Variants in PPP1R9A observed in about 807,000 individuals in gnomAD.
PPP1R9A encodes the protein neurabin-1.
A neutral mutation model predicts 141.9 loss-of-function variants in PPP1R9A; 59 were observed. The observed-to-expected ratio is 0.42, with a 90% CI of 0.34 to 0.52. The LOEUF (loss-of-function observed/expected upper bound fraction) is 0.52, where lower values mean the gene tolerates loss of function less well. PPP1R9A is among the 20% of genes least tolerant of loss of function. The pLI is 0.10. For synonymous variants in PPP1R9A, 500 were observed against 569.7 expected, an observed-to-expected ratio of 0.88 and a Z score of 1.74; for missense variants, 1,444 against 1,611.9, an observed-to-expected ratio of 0.90 and a Z score of 1.78.
At chr7:95,101,986 A>C (rs1476170602) in intron 2 of PPP1R9A, among the ~76,000 whole-genome samples, 1 of 152,178 alleles carries the variant, frequency 6.6e-6, no homozygotes, top group Non-Finnish European at 1.5e-5. Flanking sequence ...GGTATCCCTC[A>C]GAAACCTCTC....
intron 12 of PPP1R9A, among the ~76,000 whole-genome samples, chr7:95,253,091 T>A (rs981472921): frequency 6.6e-6 from 1 of 152,228 alleles, no homozygotes; most frequent in Non-Finnish European, 1.5e-5. Context: ...TGTGGTATAT[T>A]TGCAAATTAG....
Position 95,292,130 on chromosome 7 carries a change from A to G in PPP1R9A, c.*1827A>G, listed in dbSNP as rs1806443734. 1 of 152,164 alleles carries G rather than the reference A, an allele frequency of 6.6e-6. No individual in the cohort carries two copies. Among genetic ancestry groups the G allele is most frequent in the Non-Finnish European group, 1.5e-5 (1 of 68,026 alleles). 9.4% of individuals were successfully genotyped at this position (152,164 alleles called of 1,614,324 possible). On this transcript the variant is annotated 3_prime_UTR_variant, in exon 20 of 20. Transcript: ENST00000433360. ...GTGTTTTACAGTTATCAAAGTCACC[A>G]TTATGTTTTTCTGTCTGTCTTCATT...
chr7:95,261,336 G>T (rs1249819324), intron 12 of PPP1R9A, among the ~76,000 whole-genome samples: 2 of 152,176 alleles, frequency 1.3e-5, no homozygotes, highest in Non-Finnish European at 2.9e-5. Flanking sequence ...AGCAATTAGA[G>T]TATCAGGTCC....
intron 5 of PPP1R9A, among the ~76,000 whole-genome samples, chr7:95,187,883 G>T (rs1834876752): frequency 1.3e-5 from 2 of 151,856 alleles, no homozygotes; most frequent in South Asian, 4.2e-4. Flanking sequence ...ATATAATTTT[G>T]ATTTTCCTTA....
At chr7:94,939,817 T>TACACACACACACAC (rs4014722) in intron 2 of PPP1R9A, among the ~76,000 whole-genome samples, 1 of 145,256 alleles carries the variant, frequency 6.9e-6, no homozygotes, top group East Asian at 2.0e-4. Context: ...TATATATGTG[T>TACACACACACACAC]ACACACACAC....
chr7:95,013,929 C>A (rs909280488), intron 2 of PPP1R9A, among the ~76,000 whole-genome samples: 24 of 152,032 alleles, frequency 1.6e-4, no homozygotes, highest in African/African-American at 5.8e-4. Context: ...TACTCATAAC[C>A]CAGATTTCCT....
At chr7:95,249,897 T>G (rs1230335513) in intron 9 of PPP1R9A, 129 bp from the exon 10 acceptor site, 2 of 1,272,444 alleles carry the variant, frequency 1.6e-6, no homozygotes, top group Admixed American at 3.3e-5. Flanking sequence ...ATACCTGCTT[T>G]TCTCATCTCA....
intron 12 of PPP1R9A, among the ~76,000 whole-genome samples, chr7:95,252,345 T>C (rs1397955744): frequency 6.6e-6 from 1 of 151,974 alleles, no homozygotes; most frequent in Non-Finnish European, 1.5e-5. Context: ...CAACTAAAGA[T>C]AAGCCAAATA....
chr7:95,024,824 G>C (rs1806568050), intron 2 of PPP1R9A, among the ~76,000 whole-genome samples: 1 of 152,094 alleles, frequency 6.6e-6, no homozygotes, highest in Non-Finnish European at 1.5e-5. Context: ...TCATTATGAT[G>C]CTAGCTGGTT....
At chr7:95,227,023 T>C (rs1795231927) in intron 8 of PPP1R9A, among the ~76,000 whole-genome samples, 1 of 152,214 alleles carries the variant, frequency 6.6e-6, no homozygotes, top group Admixed American at 6.5e-5. Flanking sequence ...AAAGACTTTC[T>C]AAATTAACTG....
At chr7:94,986,428 G>A (rs944919144) in intron 2 of PPP1R9A, among the ~76,000 whole-genome samples, 3 of 152,154 alleles carry the variant, frequency 2.0e-5, no homozygotes, top group African/African-American at 7.2e-5. Context: ...CTCATATATA[G>A]GAGCTAAAAC....
chr7:94,973,231 G>A (rs961915472), intron 2 of PPP1R9A, among the ~76,000 whole-genome samples: 6 of 152,036 alleles, frequency 3.9e-5, no homozygotes, highest in African/African-American at 1.4e-4. Flanking sequence ...TTTATATTTT[G>A]GTTATTGTTT....
chr7:94,938,604 T>TA (rs1795016453), intron 2 of PPP1R9A, among the ~76,000 whole-genome samples: 1 of 152,318 alleles, frequency 6.6e-6, no homozygotes, highest in Non-Finnish European at 1.5e-5. Context: ...GTGGTTTATT[T>TA]AAAAAATTTC....
rs538431713 is a variant in PPP1R9A at position 95,291,395 on chromosome 7, A to G, written c.*1092A>G. On this transcript the variant is annotated 3_prime_UTR_variant, in exon 20 of 20. Transcript: ENST00000433360. ...CAGTTAGAGGAAACTGTCAGTTAAC[A>G]TTTTAGAGAGATTTTGAATGGTTTT... 10 of 152,324 alleles carry G rather than the reference A, an allele frequency of 6.6e-5. No individual in the cohort carries two copies. In the South Asian group the frequency reaches 1.7e-3, roughly 25 times the overall value. 9.4% of individuals were successfully genotyped at this position (152,324 alleles called of 1,614,324 possible).
At chr7:95,030,397 ATAGCCAG>A (rs1239514621) in intron 2 of PPP1R9A, among the ~76,000 whole-genome samples, 2 of 152,194 alleles carry the variant, frequency 1.3e-5, no homozygotes, top group African/African-American at 4.8e-5. Context: ...GGTGTTCTAG[ATAGCCAG>A]TAGTTACTAT....
intron 2 of PPP1R9A, among the ~76,000 whole-genome samples, chr7:94,981,143 T>C (rs968058915): frequency 1.3e-5 from 2 of 152,198 alleles, no homozygotes; most frequent in Non-Finnish European, 2.9e-5. Flanking sequence ...AGCTAGAAGC[T>C]TAGGTTTTTG....
chr7:95,068,418 C>T (rs1320492002), intron 2 of PPP1R9A, among the ~76,000 whole-genome samples: 6 of 121,826 alleles, frequency 4.9e-5, no homozygotes, highest in South Asian at 5.7e-4. Context: ...TGCGGTGAGC[C>T]GAGATCGCAC....
intron 2 of PPP1R9A, among the ~76,000 whole-genome samples, chr7:94,930,257 A>AC (rs1793988858): frequency 6.6e-6 from 1 of 152,200 alleles, no homozygotes; most frequent in South Asian, 2.1e-4. Flanking sequence ...TTTTGGAGAA[A>AC]TAGAGTTTGA....
chr7:95,215,743 T>C (rs1436769494), intron 7 of PPP1R9A, among the ~76,000 whole-genome samples: 2 of 152,252 alleles, frequency 1.3e-5, no homozygotes, highest in Non-Finnish European at 1.5e-5. Flanking sequence ...CATTTTTTCA[T>C]ATGTCTGTTG....
Sources: gnomAD v4.1 joint callset for allele counts (sites outside exome capture counted in the v4.1 genomes callset) on GRCh38, gnomAD v4.1.1 for gene constraint, MANE v1.5 for transcripts, NCBI Gene and HGNC (gene_info 2026-07-23, HGNC 2026-07-21) for gene names.